SARDH: variants seen among roughly 807,000 people sequenced by gnomAD.
The protein encoded by SARDH is sarcosine dehydrogenase, mitochondrial.
In SARDH, 95 loss-of-function variants were observed where a neutral mutation model predicts 109.1. The observed-to-expected ratio is 0.87, with a 90% CI of 0.74 to 1.03. SARDH has a LOEUF of 1.03. Ranked by LOEUF, SARDH falls within the 50% of genes least tolerant of loss-of-function variation. The pLI is 0.00. For synonymous variants in SARDH, 572 were observed against 534.8 expected (o/e 1.07, Z -0.96); for missense variants, 1,267 against 1,287.8 (o/e 0.98, Z 0.25).
At chr9:133,730,029 G>A (rs763690955) in intron 5 of SARDH, 35 bp downstream of exon 5, 19 of 1,612,296 alleles carry the variant, frequency 1.2e-5, no homozygotes, top group Non-Finnish European at 1.4e-5. Context: ...CAGCCAGCAT[G>A]GCCACACAGG....
At chr9:133,675,103 G>A (rs537205948) in intron 17 of SARDH, among the ~76,000 whole-genome samples, 3 of 152,126 alleles carry the variant, frequency 2.0e-5, no homozygotes, top group Non-Finnish European at 4.4e-5. Context: ...CAGCACTTTG[G>A]GAGACCAAGG....
chr9:133,660,391 A>C (rs961131194), downstream of SARDH, among the ~76,000 whole-genome samples: 26 of 152,144 alleles, frequency 1.7e-4, no homozygotes, highest in African/African-American at 6.3e-4. Flanking sequence ...CTGAATGCTC[A>C]ACCTCTGCTT....
chr9:133,708,286 C>T lies in SARDH; in HGVS notation c.1470+1G>A, dbSNP rs766013165. On this transcript the variant is annotated splice_donor_variant, in intron 11 of 20. Transcript: ENST00000439388. LOFTEE classifies it high-confidence loss of function. ...CCCAGCAGGAGCTGTAGGGGCGTTACCTCGTGCAGCGGGTCTCTCCTCATG... is the reference window on the plus strand; with the variant it reads ...CCCAGCAGGAGCTGTAGGGGCGTTATCTCGTGCAGCGGGTCTCTCCTCATG... The T allele has an allele frequency of 1.2e-6, 2 of 1,611,832 alleles. No homozygotes were observed. Among genetic ancestry groups the T allele is most frequent in the Non-Finnish European group, 1.7e-6 (2 of 1,179,038 alleles).
chr9:133,713,182 G>A (rs1588437188), intron 8 of SARDH, 58 bp from the exon 9 acceptor site: 2 of 1,462,128 alleles, frequency 1.4e-6, no homozygotes, highest in South Asian at 1.2e-5. Flanking sequence ...CTCTTGGGGT[G>A]AGGTCTTCCA....
At chr9:133,664,372 G>A (rs766975734) in intron 20 of SARDH, among the ~76,000 whole-genome samples, 2 of 152,226 alleles carry the variant, frequency 1.3e-5, no homozygotes, top group South Asian at 2.1e-4. Context: ...GAGCAGCGCC[G>A]AGGCTGGGGG....
In SARDH at chr9:133,704,793, G is replaced by C. The variant is rs377337398; in HGVS notation, c.1554+155C>G. On this transcript the variant is annotated intron_variant, in intron 12 of 20. Transcript: ENST00000439388. The surrounding 1 kb of genome is among the most constrained non-coding windows in gnomAD (Gnocchi z 4.5). ...ACTGAGCCTTGGGGGCAGGTCGGCA[G>C]GGCTCGGCTTCCCGTGTGCAGAATA... Among the ~76,000 whole-genome samples the C allele has an allele frequency of 2.6e-5, 4 of 152,182 alleles. No individual in the cohort carries two copies. The highest frequency in any genetic ancestry group is 9.7e-5 in the African/African-American group (4 of 41,444).
chr9:133,713,222 G>A, intron 8 of SARDH, 98 bp from the exon 9 acceptor site: 2 of 1,068,092 alleles, frequency 1.9e-6, no homozygotes. Context: ...GGGTCTGCAG[G>A]GGCCCCTCCA....
At chr9:133,669,330 CCTCGTCCTCCCTCTCCCTCCCCTCG>C (rs1830249758) in intron 19 of SARDH, among the ~76,000 whole-genome samples, 1 of 95,154 alleles carries the variant, frequency 1.1e-5, no homozygotes, top group Non-Finnish European at 2.1e-5. Flanking sequence ...CCTCCCTCTC[CCTCGTCCTCCCTCTCCCTCCCCTCG>C]TCACTCTGAC....
chr9:133,730,163 C>A lies in SARDH; in HGVS notation c.715G>T (p.Gly239Cys), dbSNP rs1236788560. ...AAATCATCCGTCCACACACGAATGCCGGTCACTGGGCAGTTCTCAATGACC... is the reference window on the plus strand; with the variant it reads ...AAATCATCCGTCCACACACGAATGCAGGTCACTGGGCAGTTCTCAATGACC... ...AQVIENCPVTGIRVWTDDFGV... is the reference protein window; with the variant it reads ...AQVIENCPVTCIRVWTDDFGV... The change falls in exon 5 of 21, where the codon GGC becomes TGC. Residue 239 changes from glycine to cysteine, a missense_variant. Physicochemically the swap from Gly to Cys is radical, Grantham distance 159. Transcript: ENST00000439388. 6.2e-7 allele frequency: 1 copy of A among 1,614,228 alleles called. No homozygotes were observed. The highest frequency in any genetic ancestry group is 1.1e-5 in the South Asian group (1 of 91,086).
intron 17 of SARDH, among the ~76,000 whole-genome samples, chr9:133,675,228 G>A (rs1463169012): frequency 2.6e-5 from 4 of 152,112 alleles, no homozygotes; most frequent in African/African-American, 9.7e-5. Context: ...GTGCATGCCT[G>A]TAGTCCCAGC....
intron 17 of SARDH, among the ~76,000 whole-genome samples, chr9:133,677,612 A>G (rs1361277089): frequency 6.6e-6 from 1 of 152,228 alleles, no homozygotes; most frequent in African/African-American, 2.4e-5. Context: ...TTATTATCAG[A>G]TGTAGCTCTG....
chr9:133,737,172 C>G (rs542441150), intron 1 of SARDH, among the ~76,000 whole-genome samples: 98 of 152,374 alleles, frequency 6.4e-4, no homozygotes, highest in African/African-American at 2.3e-3. Flanking sequence ...CCTGACGAAG[C>G]CCAGAACCCT....
At chr9:133,674,748 A>G (rs894943677) in intron 17 of SARDH, among the ~76,000 whole-genome samples, 7 of 152,230 alleles carry the variant, frequency 4.6e-5, no homozygotes, top group Admixed American at 1.3e-4. Flanking sequence ...TAGACATGGA[A>G]CAAAGACACA....
At chr9:133,732,683 G>T in intron 2 of SARDH, 82 bp from the exon 3 acceptor site, 1 of 1,445,090 alleles carries the variant, frequency 6.9e-7, no homozygotes, top group Non-Finnish European at 9.3e-7. Context: ...GGGATACCCT[G>T]ATATTCAACC....
chr9:133,722,775 A>C lies in SARDH; in HGVS notation c.916-3733T>G, dbSNP rs544096194. ...CTGCAACCTGCACCTCCTGGGTTCA[A>C]GTGATTCTCCTGCCTCAGCCTACCG... On this transcript the variant is annotated intron_variant, in intron 6 of 20. Coordinates refer to ENST00000439388, the MANE Select transcript of SARDH (RefSeq NM_001134707.2). Among the ~76,000 whole-genome samples the C allele has an allele frequency of 4.6e-5, 7 of 151,926 alleles. No homozygotes were observed. In the South Asian group the frequency reaches 1.5e-3, roughly 32 times the overall value.
In SARDH at chr9:133,704,080, G is replaced by A. The variant is rs533563432; in HGVS notation, c.1554+868C>T. On this transcript the variant is annotated intron_variant, in intron 12 of 20. Coordinates refer to ENST00000439388, the MANE Select transcript of SARDH (RefSeq NM_001134707.2). The surrounding 1 kb of genome is among the most constrained non-coding windows in gnomAD (Gnocchi z 4.5). ...GGGTCTGCCCAGACCCCTCCTCCCCGCAGGGTTCATGAGGACGGCATGTCC... is the reference window on the plus strand; with the variant it reads ...GGGTCTGCCCAGACCCCTCCTCCCCACAGGGTTCATGAGGACGGCATGTCC... Among the ~76,000 whole-genome samples, 14 of 152,182 alleles carry A rather than the reference G, an allele frequency of 9.2e-5. No homozygotes were observed. The highest frequency in any genetic ancestry group is 2.6e-4 in the Admixed American group (4 of 15,302).
chr9:133,699,814 G>T (rs1223269698), intron 13 of SARDH, among the ~76,000 whole-genome samples: 1 of 152,056 alleles, frequency 6.6e-6, no homozygotes, highest in African/African-American at 2.4e-5. Flanking sequence ...AACAGTTGGC[G>T]TTCCCCCAAA....
chr9:133,670,317 AG>A (rs1320560222), intron 19 of SARDH, among the ~76,000 whole-genome samples: 1 of 133,764 alleles, frequency 7.5e-6, no homozygotes, highest in Non-Finnish European at 1.5e-5. Flanking sequence ...CAATAGAGTG[AG>A]ACTCCGTCTC....
At chr9:133,726,694 C>T (rs895764806) in intron 6 of SARDH, among the ~76,000 whole-genome samples, 11 of 152,194 alleles carry the variant, frequency 7.2e-5, no homozygotes, top group Non-Finnish European at 1.0e-4. Context: ...CCTGGTGCCA[C>T]TGACTCCCTG....
Sources: allele counts gnomAD v4.1 joint callset (sites outside exome capture counted in the v4.1 genomes callset), GRCh38; gene constraint gnomAD v4.1.1; non-coding constraint Gnocchi (gnomAD v3.1); transcripts MANE v1.5; gene names NCBI Gene and HGNC (gene_info 2026-07-23, HGNC 2026-07-21).